Variants in TMC7 observed in about 807,000 individuals in gnomAD.
The protein encoded by TMC7 is transmembrane channel-like protein 7.
In TMC7, 54 loss-of-function variants were observed where a neutral mutation model predicts 82.9. The observed-to-expected ratio is 0.65, with a 90% CI of 0.52 to 0.82. The LOEUF is 0.82. Among genes scored for constraint, TMC7 ranks in the 40% least tolerant of loss-of-function variants. TMC7 has a pLI of 0.00. For missense variants in TMC7, 820 were observed against 901.2 expected (o/e 0.91, Z 1.15); for synonymous variants, 350 against 337.9 (o/e 1.04, Z -0.39).
chr16:19,051,985 C>T (rs1382876907), intron 13 of TMC7, among the ~76,000 whole-genome samples, 169 bp downstream of exon 13: 1 of 151,832 alleles, frequency 6.6e-6, no homozygotes, highest in Non-Finnish European at 1.5e-5. Flanking sequence ...ACCTCCGTCT[C>T]CCAGGTTCAA....
intron 9 of TMC7, among the ~76,000 whole-genome samples, chr16:19,043,563 A>ATTAT (rs71143823): frequency 0.32 from 48,483 of 150,838 alleles, 7,971 homozygotes; most frequent in Non-Finnish European, 0.34. Flanking sequence ...GCATTTGCTT[A>ATTAT]TTATTTATTT....
intron 1 of TMC7, among the ~76,000 whole-genome samples, chr16:19,004,706 G>A (rs1196637165): frequency 1.3e-5 from 2 of 152,038 alleles, no homozygotes; most frequent in Admixed American, 1.3e-4. Context: ...TAAATCCATG[G>A]CCCCCTGAAT....
intron 1 of TMC7, among the ~76,000 whole-genome samples, chr16:19,008,680 C>T (rs1464628735): frequency 1.3e-5 from 2 of 152,192 alleles, no homozygotes; most frequent in African/African-American, 2.4e-5. Flanking sequence ...AAGCTCTTAA[C>T]ACCATGCCTG....
intron 2 of TMC7, 85 bp downstream of exon 2, chr16:19,009,500 A>T: frequency 6.8e-7 from 1 of 1,479,996 alleles, no homozygotes; most frequent in Non-Finnish European, 9.0e-7. Context: ...TTTCCTGAAG[A>T]GCTCATATAA....
rs949097812 is a variant in TMC7, at chr16:19,061,900, T to TG, written c.*58dup. The TG allele has an allele frequency of 2.5e-4, 367 of 1,483,708 alleles. 2 individuals carry two copies. Among genetic ancestry groups the TG allele is most frequent in the Non-Finnish European group, 3.3e-4 (359 of 1,076,784 alleles). 91.9% of individuals were successfully genotyped at this position (1,483,708 alleles called of 1,614,324 possible). ...TGCTTCTAAGCTGACCTAGTGATTCTGCTGAGCCTACAGAGTCTACCTGGG... is the reference window on the plus strand; with the variant it reads ...TGCTTCTAAGCTGACCTAGTGATTCTGGCTGAGCCTACAGAGTCTACCTGGG... On this transcript the variant is annotated 3_prime_UTR_variant, in exon 16 of 16. Coordinates refer to ENST00000304381, the MANE Select transcript of TMC7 (RefSeq NM_024847.4).
intron 12 of TMC7, among the ~76,000 whole-genome samples, chr16:19,048,680 C>T (rs1285032487): frequency 6.6e-6 from 1 of 152,170 alleles, no homozygotes; most frequent in Admixed American, 6.5e-5. Context: ...CTCAGCCTCC[C>T]AAAGTGCTGG....
At chr16:19,022,021 A>G (rs563607767) in intron 4 of TMC7, among the ~76,000 whole-genome samples, 1 of 152,298 alleles carries the variant, frequency 6.6e-6, no homozygotes, top group Non-Finnish European at 1.5e-5. Context: ...GTGAGTGAGA[A>G]ATAACCACAA....
At position 19,016,570 on chromosome 16, in the gene TMC7, G is replaced by A; in HGVS notation, c.432G>A (p.Leu144=). Residue 144 remains leucine, a synonymous_variant, in exon 3 of 16, where the codon CTG becomes CTA. Transcript: ENST00000304381. ...KAREMTTHLE[L]WREDIRSIEG... ...GAGAGATGACGACCCACCTGGAGCT[G>A]TGGCGGGAGGACATCCGCAGCATAG... The A allele has an allele frequency of 6.2e-7, 1 of 1,613,996 alleles. No individual in the cohort carries two copies. Among genetic ancestry groups the A allele is most frequent in the Non-Finnish European group, 8.5e-7 (1 of 1,180,020 alleles).
At chr16:19,051,934 AC>A in intron 13 of TMC7, 118 bp downstream of exon 13, 1 of 1,384,608 alleles carries the variant, frequency 7.2e-7, no homozygotes, top group Non-Finnish European at 1.0e-6. Flanking sequence ...TTGCTCTGTC[AC>A]CCAGGCTGGA....
chr16:18,995,719 G>C (rs1350391187), intron 1 of TMC7, among the ~76,000 whole-genome samples: 3 of 152,312 alleles, frequency 2.0e-5, no homozygotes, highest in East Asian at 3.9e-4. Flanking sequence ...TTGCAACTCA[G>C]AAATACGTTG....
intron 2 of TMC7, among the ~76,000 whole-genome samples, chr16:19,013,382 C>T (rs895905398): frequency 6.0e-5 from 9 of 151,192 alleles, no homozygotes; most frequent in African/African-American, 2.2e-4. Flanking sequence ...CCACACCTGG[C>T]TAATTTTGTA....
Position 19,037,947 on chromosome 16 carries a change from C to G in TMC7, c.1079C>G (p.Ser360Cys), listed in dbSNP as rs1248393404. 3.7e-6 allele frequency: 6 copies of G among 1,613,976 alleles called. No homozygotes were observed. Among genetic ancestry groups the G allele is most frequent in the Non-Finnish European group, 5.1e-6 (6 of 1,180,018 alleles). The change falls in exon 8 of 16, where the codon TCT becomes TGT. Residue 360 changes from serine (S) to cysteine (C), a missense_variant. Physicochemically the swap from Ser to Cys is moderately radical, Grantham distance 112. Transcript: ENST00000304381. ...TCAGAAGAAACAATACGCATTTACT[C>G]TTTGAGACTGTTTTTGAACTGTATT... The part of the protein sequence containing the change: ...RTSEETIRIY[S>C]LRLFLNCIVL...
At chr16:19,050,431 C>T (rs572481171) in intron 12 of TMC7, among the ~76,000 whole-genome samples, 2 of 147,856 alleles carry the variant, frequency 1.4e-5, no homozygotes, top group African/African-American at 2.5e-5. Context: ...TCATCTTGTA[C>T]GGAGTTTTGA....
chr16:19,022,984 C>T, intron 4 of TMC7, 129 bp from the exon 5 acceptor site: 2 of 484,730 alleles, frequency 4.1e-6, no homozygotes, highest in South Asian at 6.3e-5. Context: ...CACGCCATTG[C>T]ACTCCAGTCT....
chr16:18,987,664 C>T (rs988943631), intron 1 of TMC7, among the ~76,000 whole-genome samples: 1 of 152,104 alleles, frequency 6.6e-6, no homozygotes, highest in African/African-American at 2.4e-5. Flanking sequence ...GCCTTGTTTC[C>T]CTAGAACCTA....
intron 11 of TMC7, 45 bp downstream of exon 11, chr16:19,045,483 GCACACACACACATA>G (rs1240447768): frequency 5.6e-6 from 7 of 1,255,280 alleles, no homozygotes; most frequent in Non-Finnish European, 8.2e-6. Context: ...CCACACACAT[GCACACACACACATA>G]CACACACACA....
chr16:18,984,395 C>CCAGCTGTTGACCGAGACAGTCTTT lies in TMC7; in HGVS notation c.67+268_67+291dup. 3.2e-6 allele frequency: 4 copies of CCAGCTGTTGACCGAGACAGTCTTT among 1,261,974 alleles called. No homozygotes were observed. In the South Asian group the frequency reaches 8.2e-5, roughly 26 times the overall value. The allele number at this position is 1,261,974 out of a possible 1,614,324, so 78.2% of individuals were successfully genotyped here. ...GTCTGGACCGTGGTGGGTTTGTCTT[C>CCAGCTGTTGACCGAGACAGTCTTT]CAGCTGTTGACCGAGACAGTCTTTC... On this transcript the variant is annotated intron_variant, in intron 1 of 15. Transcript: ENST00000304381.
chr16:18,996,956 T>G (rs2039053534), intron 1 of TMC7, among the ~76,000 whole-genome samples: 1 of 152,236 alleles, frequency 6.6e-6, no homozygotes, highest in Non-Finnish European at 1.5e-5. Flanking sequence ...AAAATGTGTC[T>G]CTTTTGTCTC....
rs150277040 is a variant in TMC7 at position 18,999,416 on chromosome 16, C to T, written c.68-9756C>T. The stretch of plus-strand genomic sequence containing the variant: ...CCAACAAAGGGTAAGCCACCATGCC[C>T]GCACCCCTGACTTATTTTTCTCCAT... On this transcript the variant is annotated intron_variant, in intron 1 of 15. Coordinates refer to ENST00000304381, the MANE Select transcript of TMC7 (RefSeq NM_024847.4). Among the ~76,000 whole-genome samples, 20 of 152,330 alleles carry T rather than the reference C, an allele frequency of 1.3e-4. 1 individual carries two copies. The East Asian group carries it at 3.5e-3, about 26-fold the overall frequency.
Sources: allele counts gnomAD v4.1 joint callset (sites outside exome capture counted in the v4.1 genomes callset), GRCh38; gene constraint gnomAD v4.1.1; transcripts MANE v1.5; gene names NCBI Gene and HGNC (gene_info 2026-07-23, HGNC 2026-07-21).